Variants in SNX9 observed in about 807,000 individuals in gnomAD.
SNX9 encodes sorting nexin 9, also known as sorting nexin-9.
SNX9 carries 44 observed loss-of-function variants against 89.4 expected under a neutral mutation model. The ratio of observed to expected loss-of-function variants is 0.49; its 90% CI spans 0.39 to 0.63. The LOEUF (loss-of-function observed/expected upper bound fraction) is 0.63, where lower values mean the gene tolerates loss of function less well. Among genes scored for constraint, SNX9 ranks in the 30% least tolerant of loss-of-function variants. The pLI is 0.00. For missense variants in SNX9, 578 were observed against 736.1 expected (o/e 0.79, Z 2.49); for synonymous variants, 236 against 247.8 (o/e 0.95, Z 0.45).
At chr6:157,828,056 A>G (rs1285081340) in intron 1 of SNX9, among the ~76,000 whole-genome samples, 1 of 152,186 alleles carries the variant, frequency 6.6e-6, no homozygotes, top group African/African-American at 2.4e-5. Flanking sequence ...TAGCCCCTCC[A>G]GAGCAGAAAC....
At chr6:157,828,589 G>A (rs1355604829) in intron 1 of SNX9, among the ~76,000 whole-genome samples, 1 of 152,126 alleles carries the variant, frequency 6.6e-6, no homozygotes, top group African/African-American at 2.4e-5. Context: ...GACTTCCCTG[G>A]CTCAGGTGAT....
intron 4 of SNX9, among the ~76,000 whole-genome samples, chr6:157,887,965 A>G (rs17651914): frequency 0.046 from 7,019 of 152,214 alleles, 204 homozygotes; most frequent in East Asian, 0.11. Flanking sequence ...TTACCCATCA[A>G]TTGGCTTCTT....
chr6:157,835,490 G>A (rs1387672324), intron 1 of SNX9, among the ~76,000 whole-genome samples: 1 of 145,146 alleles, frequency 6.9e-6, no homozygotes, highest in African/African-American at 2.6e-5. Context: ...ATGGCTCATT[G>A]AAGCCTTGAA....
chr6:157,825,669 C>A (rs1781329578), intron 1 of SNX9, among the ~76,000 whole-genome samples: 1 of 152,174 alleles, frequency 6.6e-6, no homozygotes, highest in Non-Finnish European at 1.5e-5. Context: ...CAAACCATTT[C>A]CATTTTAAGA....
intron 9 of SNX9, 96 bp from the exon 10 acceptor site, chr6:157,921,435 A>T (rs578251563): frequency 3.1e-6 from 4 of 1,288,984 alleles, no homozygotes; most frequent in Admixed American, 2.1e-5. Flanking sequence ...TCTACCCAAT[A>T]GCCAGTAGAC....
intron 10 of SNX9, among the ~76,000 whole-genome samples, chr6:157,925,709 C>T (rs541666207): frequency 1.2e-4 from 18 of 152,184 alleles, no homozygotes; most frequent in African/African-American, 3.4e-4. Context: ...CACCAAAGAA[C>T]GCATTTATAG....
chr6:157,919,607 T>C (rs1783542705), intron 9 of SNX9, among the ~76,000 whole-genome samples: 1 of 152,196 alleles, frequency 6.6e-6, no homozygotes, highest in Admixed American at 6.5e-5. Flanking sequence ...TGATTCTCTG[T>C]CATATTTTTC....
intron 9 of SNX9, among the ~76,000 whole-genome samples, chr6:157,913,491 T>G (rs544718569): frequency 6.6e-5 from 10 of 152,234 alleles, no homozygotes; most frequent in African/African-American, 2.4e-4. Context: ...AAAGGAAAGT[T>G]CAGGTTTCAT....
chr6:157,933,992 G>A lies in SNX9; in HGVS notation c.1366+1720G>A, dbSNP rs562091400. 1.3e-4 allele frequency among the ~76,000 whole-genome samples: 20 copies of A among 152,278 alleles called. 1 individual carries two copies. The highest frequency in any genetic ancestry group is 4.6e-4 in the African/African-American group (19 of 41,558). On this transcript the variant is annotated intron_variant, in intron 13 of 17. Coordinates refer to ENST00000392185, the MANE Select transcript of SNX9 (RefSeq NM_016224.5). ...GAAGCATTCAAGTTCCTGTTGACTG[G>A]CTTTTCTCCCATTACAAAGGACAGT...
intron 9 of SNX9, among the ~76,000 whole-genome samples, chr6:157,919,729 G>T (rs1358884764): frequency 6.6e-6 from 1 of 151,894 alleles, no homozygotes; most frequent in Non-Finnish European, 1.5e-5. Context: ...CAGAGATAGT[G>T]TCTATTGACT....
chr6:157,915,822 C>CAAAAAAAAAAAAAAAAAAAAAA (rs570701086), intron 9 of SNX9, among the ~76,000 whole-genome samples: 14 of 89,374 alleles, frequency 1.6e-4, no homozygotes, highest in African/African-American at 5.2e-4. Flanking sequence ...TAGACTCTGT[C>CAAAAAAAAAAAAAAAAAAAAAA]AAAAAAAAAA....
At chr6:157,890,658 A>G (rs6907691) in intron 4 of SNX9, among the ~76,000 whole-genome samples, 14,597 of 152,156 alleles carry the variant, frequency 0.096, 748 homozygotes, top group African/African-American at 0.12. Context: ...TTAATTTACA[A>G]AGCGTTTACC....
chr6:157,827,234 CAT>C (rs1380099823), intron 1 of SNX9, among the ~76,000 whole-genome samples: 1 of 21,462 alleles, frequency 4.7e-5, no homozygotes, highest in Non-Finnish European at 6.3e-5. Context: ...AATATATAAA[CAT>C]ATATTATAGT....
intron 15 of SNX9, 68 bp from the exon 16 acceptor site, chr6:157,938,565 T>C (rs1285095086): frequency 1.0e-6 from 1 of 1,002,318 alleles, no homozygotes. Flanking sequence ...ATATTAGCAT[T>C]GTTATATTTT....
At chr6:157,879,427 A>G (rs1782582907) in intron 4 of SNX9, among the ~76,000 whole-genome samples, 1 of 152,336 alleles carries the variant, frequency 6.6e-6, no homozygotes, top group South Asian at 2.1e-4. Context: ...ACACACATAC[A>G]CACACACCAT....
At chr6:157,923,540 G>C (rs1783627128) in intron 10 of SNX9, among the ~76,000 whole-genome samples, 1 of 151,958 alleles carries the variant, frequency 6.6e-6, no homozygotes, top group East Asian at 1.9e-4. Context: ...ACATTATTGA[G>C]AAAAATAATA....
Position 157,937,449 on chromosome 6 carries a change from C to T in SNX9, c.1459C>T (p.His487Tyr), listed in dbSNP as rs1482748571. The T allele has an allele frequency of 1.9e-6, 3 of 1,613,240 alleles. No homozygotes were observed. The highest frequency in any genetic ancestry group is 2.5e-6 in the Non-Finnish European group (3 of 1,179,368). ...LVAEQPKKDL[H>Y]FLMECNHEYK... Reference sequence around the variant, plus strand: ...CTTGTTATAGCCAAAGAAAGATCTCCATTTCCTGATGGAATGTAATCACGA... The same window carrying T: ...CTTGTTATAGCCAAAGAAAGATCTCTATTTCCTGATGGAATGTAATCACGA... Residue 487 changes from histidine (H) to tyrosine (Y), a missense_variant, in exon 15 of 18, where the codon CAT becomes TAT. By Grantham distance (83) the His-to-Tyr change is moderately conservative. Coordinates refer to ENST00000392185, the MANE Select transcript of SNX9 (RefSeq NM_016224.5).
intron 1 of SNX9, among the ~76,000 whole-genome samples, chr6:157,859,578 G>A (rs1012260154): frequency 1.3e-5 from 2 of 152,194 alleles, no homozygotes; most frequent in African/African-American, 4.8e-5. Flanking sequence ...TTGTGAAGCT[G>A]TAGAAAAATG....
chr6:157,919,795 A>AT (rs1437694765), intron 9 of SNX9, among the ~76,000 whole-genome samples: 1 of 151,942 alleles, frequency 6.6e-6, no homozygotes, highest in African/African-American at 2.4e-5. Flanking sequence ...GTATCTCTTA[A>AT]TTTTTTGTTG....
Sources: gnomAD v4.1 joint callset for allele counts (sites outside exome capture counted in the v4.1 genomes callset) on GRCh38, gnomAD v4.1.1 for gene constraint, MANE v1.5 for transcripts, NCBI Gene and HGNC (gene_info 2026-07-23, HGNC 2026-07-21) for gene names.